The following RIC1 variants were observed in gnomAD, a reference collection of about 807,000 sequenced individuals.
RIC1 encodes guanine nucleotide exchange factor subunit RIC1.
RIC1 carries 88 observed loss-of-function variants against 169.0 expected under a neutral mutation model. That is an observed-to-expected ratio of 0.52 (90% CI 0.44 to 0.62). The LOEUF (loss-of-function observed/expected upper bound fraction) is 0.62, where lower values mean the gene tolerates loss of function less well. Among genes scored for constraint, RIC1 ranks in the 20% least tolerant of loss-of-function variants. RIC1 has a pLI of 0.00. For synonymous variants in RIC1, 790 were observed against 601.5 expected (o/e 1.31, Z -4.59); for missense variants, 1,877 against 1,725.5 (o/e 1.09, Z -1.56).
intron 3 of RIC1, among the ~76,000 whole-genome samples, chr9:5,698,785 G>C (rs145200477): frequency 2.6e-5 from 4 of 152,176 alleles, no homozygotes; most frequent in African/African-American, 9.7e-5. Context: ...GTTGCAACTG[G>C]TATTGTTGTC....
intron 1 of RIC1, among the ~76,000 whole-genome samples, chr9:5,641,192 C>T (rs751268629): frequency 5.3e-5 from 8 of 151,382 alleles, no homozygotes; most frequent in Admixed American, 6.6e-5. Context: ...CCTGGGTTCA[C>T]GCCATTCTCC....
At chr9:5,762,071 C>G (rs1390802016) in intron 17 of RIC1, among the ~76,000 whole-genome samples, 1 of 152,202 alleles carries the variant, frequency 6.6e-6, no homozygotes, top group Non-Finnish European at 1.5e-5. Flanking sequence ...CAGCTTTGTT[C>G]TCATAATGTC....
At position 5,709,325 on chromosome 9, in the gene RIC1, A is replaced by C. The variant is rs548460219; in HGVS notation, c.333-4571A>C. Among the ~76,000 whole-genome samples, 4 of 152,204 alleles carry C rather than the reference A, an allele frequency of 2.6e-5. No homozygotes were observed. The South Asian group carries it at 8.3e-4, about 32-fold the overall frequency. ...TCCATTCCTTAGCATTCATTCCATT[A>C]TTTCTACGTGCAGACAGAGGTTACT... On this transcript the variant is annotated intron_variant, in intron 3 of 25. Transcript: ENST00000414202.
At chr9:5,738,102 A>G (rs980929340) in intron 7 of RIC1, among the ~76,000 whole-genome samples, 1 of 152,188 alleles carries the variant, frequency 6.6e-6, no homozygotes, top group Non-Finnish European at 1.5e-5. Context: ...GCTGTAAGGT[A>G]TAGTATTATA....
intron 4 of RIC1, 70 bp from the exon 5 acceptor site, chr9:5,720,112 G>T: frequency 8.2e-7 from 1 of 1,221,262 alleles, no homozygotes; most frequent in African/African-American, 1.5e-5. Flanking sequence ...ATTCTCTAAA[G>T]CAGTTTTAAT....
intron 10 of RIC1, among the ~76,000 whole-genome samples, chr9:5,744,456 C>G (rs1399743935): frequency 6.6e-6 from 1 of 152,136 alleles, no homozygotes; most frequent in East Asian, 1.9e-4. Flanking sequence ...TACCCCTTAA[C>G]CAAAGTGCTT....
chr9:5,659,863 G>T (rs889812135), intron 2 of RIC1, among the ~76,000 whole-genome samples: 1 of 152,044 alleles, frequency 6.6e-6, no homozygotes, highest in Non-Finnish European at 1.5e-5. Context: ...TAACTTCAGG[G>T]TACATGTGTA....
intron 3 of RIC1, among the ~76,000 whole-genome samples, chr9:5,698,508 T>A (rs1272563582): frequency 2.0e-5 from 3 of 152,246 alleles, no homozygotes; most frequent in Non-Finnish European, 4.4e-5. Context: ...CAAAAGTTAA[T>A]GTATGGAAAA....
rs1370652792 is a variant in RIC1, at chr9:5,776,447, C to T, written c.*2201C>T. 2 of 151,866 alleles carry T rather than the reference C, an allele frequency of 1.3e-5. No individual in the cohort carries two copies. The highest frequency in any genetic ancestry group is 2.9e-5 in the Non-Finnish European group (2 of 67,918). The allele number at this position is 151,866 out of a possible 1,614,324, so 9.4% of individuals were successfully genotyped here. ...ATTATTTGCTGAAACCAAAACAAGT[C>T]ATTGGGGGTGTGGGAATAAAATCAA... On this transcript the variant is annotated 3_prime_UTR_variant, in exon 26 of 26. Coordinates refer to ENST00000414202, the MANE Select transcript of RIC1 (RefSeq NM_020829.4).
chr9:5,635,628 T>G (rs1817935662), intron 1 of RIC1, among the ~76,000 whole-genome samples: 1 of 152,218 alleles, frequency 6.6e-6, no homozygotes. Context: ...TTTGGCTCTA[T>G]TTCCCCACCC....
intron 7 of RIC1, among the ~76,000 whole-genome samples, chr9:5,734,062 TATAA>T (rs1160957220): frequency 6.8e-6 from 1 of 147,144 alleles, no homozygotes; most frequent in Non-Finnish European, 1.5e-5. Context: ...ATTTAAATAT[TATAA>T]ATATATATAA....
chr9:5,721,410 C>CGA (rs1325712665), intron 6 of RIC1, among the ~76,000 whole-genome samples: 1 of 152,184 alleles, frequency 6.6e-6, no homozygotes, highest in Non-Finnish European at 1.5e-5. Flanking sequence ...AACAGGCTCC[C>CGA]ACTTCACAGA....
rs552577126 is a variant in RIC1, at chr9:5,746,658, C to T, written c.1248+575C>T. On this transcript the variant is annotated intron_variant, in intron 11 of 25. Coordinates refer to ENST00000414202, the MANE Select transcript of RIC1 (RefSeq NM_020829.4). ...GGACTTGCTTTTAGAAACACCGCCC[C>T]AAACACTGCCTCTTGTATTTCTATC... is the stretch of plus-strand genomic sequence containing the variant. Among the ~76,000 whole-genome samples, 106 of 152,198 alleles carry T rather than the reference C, an allele frequency of 7.0e-4. 1 individual carries two copies. The Middle Eastern group carries it at 0.01, about 15-fold the overall frequency.
intron 19 of RIC1, 96 bp from the exon 20 acceptor site, chr9:5,765,318 T>C: frequency 1.5e-6 from 2 of 1,330,506 alleles, no homozygotes; most frequent in East Asian, 2.3e-5. Context: ...GTGGTGTGGC[T>C]ACATTCTTTG....
At chr9:5,717,130 T>A (rs1457773590) in intron 4 of RIC1, among the ~76,000 whole-genome samples, 1 of 152,224 alleles carries the variant, frequency 6.6e-6, no homozygotes, top group Admixed American at 6.5e-5. Flanking sequence ...ATTGATGGAT[T>A]TTTCTCTTGA....
intron 22 of RIC1, chr9:5,769,460 G>C (rs992727487): frequency 6.8e-7 from 1 of 1,469,088 alleles, no homozygotes; most frequent in Non-Finnish European, 9.0e-7. Flanking sequence ...TCTAAGTCTT[G>C]TGACCTTGAA....
At chr9:5,630,156 G>T (rs1216617558) in intron 1 of RIC1, among the ~76,000 whole-genome samples, 1 of 152,154 alleles carries the variant, frequency 6.6e-6, no homozygotes, top group Non-Finnish European at 1.5e-5. Context: ...CTTGGGAGGA[G>T]CATGGAACTG....
intron 3 of RIC1, among the ~76,000 whole-genome samples, chr9:5,703,531 C>G (rs1281582392): frequency 6.6e-6 from 1 of 152,176 alleles, no homozygotes; most frequent in African/African-American, 2.4e-5. Context: ...TTGTCTGTGT[C>G]TCTCTGGATT....
rs758042444 is a variant in RIC1, at chr9:5,768,955, T to C, written c.3138-15T>C. ...TAAAGATTATTCTGTAGCTTTCTTG[T>C]GTTTCCACTTACAGATGGAGCAAAG... is the stretch of plus-strand genomic sequence containing the variant. On this transcript the variant is annotated splice_polypyrimidine_tract_variant and intron_variant, in intron 21 of 25. Transcript: ENST00000414202. 28 of 1,591,074 alleles carry C rather than the reference T, an allele frequency of 1.8e-5. No homozygotes were observed. The highest frequency in any genetic ancestry group is 2.3e-5 in the Non-Finnish European group (27 of 1,170,418).
Sources: gnomAD v4.1 joint callset for allele counts (sites outside exome capture counted in the v4.1 genomes callset) on GRCh38, gnomAD v4.1.1 for gene constraint, MANE v1.5 for transcripts, NCBI Gene and HGNC (gene_info 2026-07-23, HGNC 2026-07-21) for gene names.